CCDC141: variants seen among roughly 807,000 people sequenced by gnomAD.
CCDC141 encodes coiled-coil domain-containing protein 141.
A neutral mutation model predicts 181.0 loss-of-function variants in CCDC141; 168 were observed. The observed-to-expected ratio is 0.93, with a 90% CI of 0.82 to 1.05. CCDC141 has a LOEUF of 1.05. Ranked by LOEUF, CCDC141 falls within the 50% of genes least tolerant of loss-of-function variation. CCDC141 has a pLI of 0.00. For synonymous variants in CCDC141, 666 were observed against 642.3 expected, an observed-to-expected ratio of 1.04 and a Z score of -0.56; for missense variants, 1,902 against 1,788.5, an observed-to-expected ratio of 1.06 and a Z score of -1.14.
intron 2 of CCDC141, among the ~76,000 whole-genome samples, chr2:179,001,597 G>C (rs2041980994): frequency 6.6e-6 from 1 of 152,176 alleles, no homozygotes; most frequent in Non-Finnish European, 1.5e-5. Context: ...GGCTGTGCTA[G>C]ATAGCAAAGC....
chr2:178,847,114 T>C (rs756717423), intron 21 of CCDC141, among the ~76,000 whole-genome samples: 93 of 152,214 alleles, frequency 6.1e-4, no homozygotes, highest in Admixed American at 4.3e-3. Flanking sequence ...AGAGAGACCC[T>C]TTCTCATTTC....
chr2:178,822,072 C>A, the CCDC141 span, among the ~76,000 whole-genome samples: 1 of 152,006 alleles, frequency 6.6e-6, no homozygotes, highest in East Asian at 1.9e-4. Context: ...GAATACTATG[C>A]AGCCATAAAA....
In CCDC141 at chr2:178,889,684, T is replaced by C. The variant is rs184431724; in HGVS notation, c.1266-1016A>G. 7.2e-5 allele frequency among the ~76,000 whole-genome samples: 11 copies of C among 152,268 alleles called. No individual in the cohort carries two copies. In the East Asian group the frequency reaches 2.1e-3, roughly 29 times the overall value. On this transcript the variant is annotated intron_variant, in intron 8 of 23. Transcript: ENST00000443758. The stretch of plus-strand genomic sequence containing the variant: ...AGTAACCTCACTGGAGTGATGACGA[T>C]GCCACTATAGAGCTGGAAAACACTG...
intron 11 of CCDC141, among the ~76,000 whole-genome samples, chr2:178,879,109 A>C (rs554448654): frequency 7.2e-5 from 11 of 152,380 alleles, no homozygotes; most frequent in African/African-American, 2.6e-4. Context: ...AAGCAATATT[A>C]GATCATTTTA....
rs186448119 is a variant in CCDC141, at chr2:178,942,246, C to G, written c.897+2289G>C. Among the ~76,000 whole-genome samples the G allele has an allele frequency of 1.9e-3, 287 of 152,196 alleles. 2 individuals are homozygous for G. Among genetic ancestry groups the G allele is most frequent in the African/African-American group, 6.7e-3 (278 of 41,522 alleles). On this transcript the variant is annotated intron_variant, in intron 6 of 23. Coordinates refer to ENST00000443758, the MANE Select transcript of CCDC141 (RefSeq NM_173648.4). ...GCTGAGTAGCATGCAACACACCTGGCTAATCGTTTAAATGTTTTGTAGAGA... is the reference window on the plus strand; with the variant it reads ...GCTGAGTAGCATGCAACACACCTGGGTAATCGTTTAAATGTTTTGTAGAGA...
chr2:178,886,756 G>T lies in CCDC141; in HGVS notation c.1523C>A (p.Ala508Asp). ...AATCATTCTCATTTTATTTACCTTA[G>T]CTTGGATATCTAGTTCCAGATATTT... ...LNKYLELDIQ[A>D]KETSHELEAA... The change falls in exon 10 of 24, where the codon GCT (alanine) becomes GAT (aspartate). Residue 508 changes from alanine to aspartate, a missense_variant. Coordinates refer to ENST00000443758, the MANE Select transcript of CCDC141 (RefSeq NM_173648.4). The T allele has an allele frequency of 7.0e-7, 1 of 1,431,894 alleles. No homozygotes were observed. Among genetic ancestry groups the T allele is most frequent in the Non-Finnish European group, 9.4e-7 (1 of 1,068,604 alleles). The allele number at this position is 1,431,894 out of a possible 1,614,324, so 88.7% of individuals were successfully genotyped here.
At chr2:178,970,315 C>A (rs1217379610) in intron 4 of CCDC141, among the ~76,000 whole-genome samples, 1 of 152,198 alleles carries the variant, frequency 6.6e-6, no homozygotes, top group Non-Finnish European at 1.5e-5. Flanking sequence ...ATAGCCAAGA[C>A]AATCCTGGGC....
chr2:178,816,748 T>C, the CCDC141 span, among the ~76,000 whole-genome samples: 37 of 152,208 alleles, frequency 2.4e-4, no homozygotes, highest in Non-Finnish European at 4.9e-4. Context: ...TAGGTATGTA[T>C]TCTGACCCAT....
intron 2 of CCDC141, among the ~76,000 whole-genome samples, chr2:178,984,152 G>A (rs1391368292): frequency 6.6e-6 from 1 of 151,958 alleles, no homozygotes; most frequent in Non-Finnish European, 1.5e-5. Context: ...GAGAGTGGGG[G>A]CCAATAGTCA....
intron 2 of CCDC141, among the ~76,000 whole-genome samples, chr2:178,983,805 T>C (rs1233932894): frequency 6.6e-6 from 1 of 151,302 alleles, no homozygotes; most frequent in Admixed American, 6.6e-5. Context: ...CCAAGAAATA[T>C]GGGACTATGT....
chr2:178,966,254 C>T (rs983948237), intron 4 of CCDC141, among the ~76,000 whole-genome samples: 2 of 152,230 alleles, frequency 1.3e-5, no homozygotes, highest in Non-Finnish European at 2.9e-5. Flanking sequence ...TCCAGCACAG[C>T]ATTCGAGCTC....
chr2:178,878,507 C>T (rs1221346394), intron 11 of CCDC141, among the ~76,000 whole-genome samples: 8 of 126,846 alleles, frequency 6.3e-5, no homozygotes, highest in African/African-American at 2.6e-4. Flanking sequence ...TTGGTAGAGA[C>T]GAGGTCTTGC....
At chr2:178,983,375 C>A (rs1214783997) in intron 2 of CCDC141, among the ~76,000 whole-genome samples, 1 of 152,186 alleles carries the variant, frequency 6.6e-6, no homozygotes, top group African/African-American at 2.4e-5. Context: ...AAAAACAGAA[C>A]AGAAAAACTA....
intron 2 of CCDC141, among the ~76,000 whole-genome samples, chr2:178,995,232 G>A (rs1692228938): frequency 6.6e-6 from 1 of 152,196 alleles, no homozygotes; most frequent in South Asian, 2.1e-4. Context: ...AGAACTCACA[G>A]TTCCACCTGT....
intron 2 of CCDC141, among the ~76,000 whole-genome samples, chr2:179,030,868 A>G (rs2042980527): frequency 6.6e-6 from 1 of 152,078 alleles, no homozygotes; most frequent in African/African-American, 2.4e-5. Flanking sequence ...TTATCCTTGA[A>G]ATAAATCTCA....
chr2:178,898,596 T>C (rs774743367), intron 8 of CCDC141, among the ~76,000 whole-genome samples: 5 of 152,202 alleles, frequency 3.3e-5, no homozygotes, highest in Non-Finnish European at 5.9e-5. Flanking sequence ...TCAGATTAGA[T>C]GCAGGAAATA....
chr2:178,944,294 A>G (rs568289925), intron 6 of CCDC141, among the ~76,000 whole-genome samples: 1 of 152,338 alleles, frequency 6.6e-6, no homozygotes, highest in East Asian at 1.9e-4. Flanking sequence ...TGCCTGGCAC[A>G]TAGTAACTAT....
At chr2:178,945,617 T>C (rs978243772) in intron 5 of CCDC141, among the ~76,000 whole-genome samples, 2 of 152,120 alleles carry the variant, frequency 1.3e-5, no homozygotes, top group Non-Finnish European at 2.9e-5. Context: ...AGCCCTGCCA[T>C]CAGCGGGAAT....
At chr2:178,888,755 A>G in intron 8 of CCDC141, 87 bp from the exon 9 acceptor site, 2 of 1,432,598 alleles carry the variant, frequency 1.4e-6, no homozygotes, top group Non-Finnish European at 1.9e-6. Context: ...CATGTTAGGT[A>G]GGCGTTGGTA....
Sources: allele counts gnomAD v4.1 joint callset (sites outside exome capture counted in the v4.1 genomes callset), GRCh38; gene constraint gnomAD v4.1.1; transcripts MANE v1.5; gene names NCBI Gene and HGNC (gene_info 2026-07-23, HGNC 2026-07-21).